Variants in CAMK4 observed in about 807,000 individuals in gnomAD.
The protein encoded by CAMK4 is calcium/calmodulin dependent protein kinase IV, also known as calcium/calmodulin-dependent protein kinase type IV.
Under a neutral mutation model 44.9 loss-of-function variants are expected in CAMK4, and 22 were observed. The ratio of observed to expected loss-of-function variants is 0.49; its 90% CI spans 0.35 to 0.70. The LOEUF (loss-of-function observed/expected upper bound fraction) is 0.70. CAMK4 is among the 30% of genes least tolerant of loss of function. The probability of loss-of-function intolerance (pLI) is 0.01; values close to 1 mark genes in which losing one functional copy is unlikely to be tolerated. For missense variants in CAMK4, 498 were observed against 586.8 expected (o/e 0.85, Z 1.56); for synonymous variants, 218 against 215.4 (o/e 1.01, Z -0.11).
At chr5:111,275,430 A>G (rs1750716716) in intron 1 of CAMK4, among the ~76,000 whole-genome samples, 1 of 152,090 alleles carries the variant, frequency 6.6e-6, no homozygotes, top group Admixed American at 6.5e-5. Flanking sequence ...TTGGTACTTT[A>G]TCATACATCT....
At chr5:111,285,087 G>C (rs946456308) in intron 1 of CAMK4, among the ~76,000 whole-genome samples, 7 of 152,152 alleles carry the variant, frequency 4.6e-5, no homozygotes, top group Non-Finnish European at 1.0e-4. Flanking sequence ...ATCACATACT[G>C]TTCTTTTGGC....
At chr5:111,296,936 C>T (rs757278949) in intron 1 of CAMK4, among the ~76,000 whole-genome samples, 6 of 151,984 alleles carry the variant, frequency 3.9e-5, no homozygotes, top group Non-Finnish European at 7.4e-5. Context: ...TTTTATGCAC[C>T]GAAATTGATG....
At chr5:111,451,295 A>T (rs990662696) in intron 7 of CAMK4, among the ~76,000 whole-genome samples, 1 of 151,980 alleles carries the variant, frequency 6.6e-6, no homozygotes, top group African/African-American at 2.4e-5. Context: ...TATTCATAGA[A>T]GTATTTATCA....
At chr5:111,419,203 G>A (rs1445125799) in intron 5 of CAMK4, among the ~76,000 whole-genome samples, 2 of 152,154 alleles carry the variant, frequency 1.3e-5, no homozygotes, top group Non-Finnish European at 2.9e-5. Flanking sequence ...GTGATGATGA[G>A]CATTTTTTCA....
intron 1 of CAMK4, among the ~76,000 whole-genome samples, chr5:111,242,160 T>C (rs1749024178): frequency 6.6e-6 from 1 of 152,216 alleles, no homozygotes; most frequent in African/African-American, 2.4e-5. Context: ...TACCCCCATT[T>C]GCTTTGCTCC....
intron 5 of CAMK4, among the ~76,000 whole-genome samples, chr5:111,419,536 G>A (rs1017270640): frequency 3.5e-4 from 53 of 152,106 alleles, no homozygotes; most frequent in Non-Finnish European, 6.2e-4. Flanking sequence ...TGTCCTGAAT[G>A]GTATTGCCTA....
intron 5 of CAMK4, chr5:111,416,436 T>C (rs774017074): frequency 2.0e-5 from 3 of 152,176 alleles, no homozygotes; most frequent in Non-Finnish European, 4.4e-5. Context: ...AAAGATGAAA[T>C]TATCCAGAGA....
chr5:111,386,005 A>G (rs1246775797), intron 4 of CAMK4, among the ~76,000 whole-genome samples: 1 of 152,186 alleles, frequency 6.6e-6, no homozygotes, highest in East Asian at 1.9e-4. Context: ...CTCCCTGGCC[A>G]GCACCCACAT....
At chr5:111,327,363 A>T (rs1748943975) in intron 1 of CAMK4, among the ~76,000 whole-genome samples, 1 of 150,012 alleles carries the variant, frequency 6.7e-6, no homozygotes, top group Admixed American at 6.7e-5. Context: ...GCTGCATAGT[A>T]TTCCATGGTG....
At chr5:111,277,030 C>T (rs1442395290) in intron 1 of CAMK4, among the ~76,000 whole-genome samples, 1 of 152,246 alleles carries the variant, frequency 6.6e-6, no homozygotes, top group African/African-American at 2.4e-5. Context: ...TGAAAATCTC[C>T]CCACTTGACT....
chr5:111,329,019 C>G (rs1376507816), intron 1 of CAMK4, among the ~76,000 whole-genome samples: 7 of 152,016 alleles, frequency 4.6e-5, no homozygotes, highest in Non-Finnish European at 7.4e-5. Flanking sequence ...CATCAAAAAG[C>G]TTACCCACCA....
At chr5:111,278,566 C>A (rs1750869330) in intron 1 of CAMK4, among the ~76,000 whole-genome samples, 1 of 152,164 alleles carries the variant, frequency 6.6e-6, no homozygotes, top group African/African-American at 2.4e-5. Flanking sequence ...AATATAAAAA[C>A]ATTTACGGAG....
At chr5:111,382,936 A>C (rs939634753) in intron 4 of CAMK4, among the ~76,000 whole-genome samples, 5 of 152,220 alleles carry the variant, frequency 3.3e-5, no homozygotes, top group African/African-American at 1.2e-4. Context: ...TGGATATTTT[A>C]AATACATCTC....
intron 2 of CAMK4, among the ~76,000 whole-genome samples, chr5:111,345,142 T>C (rs1197916400): frequency 6.6e-6 from 1 of 151,922 alleles, no homozygotes; most frequent in Non-Finnish European, 1.5e-5. Context: ...GAATCTCATA[T>C]AATGAAGAGC....
chr5:111,256,255 C>T (rs565257135), intron 1 of CAMK4, among the ~76,000 whole-genome samples: 22 of 152,066 alleles, frequency 1.4e-4, no homozygotes, highest in Non-Finnish European at 2.6e-4. Flanking sequence ...ACAAATTAGT[C>T]GTTGCCAGGG....
At chr5:111,258,699 A>T (rs1056867080) in intron 1 of CAMK4, among the ~76,000 whole-genome samples, 3 of 151,778 alleles carry the variant, frequency 2.0e-5, no homozygotes, top group African/African-American at 7.3e-5. Flanking sequence ...GGGTGGGGAC[A>T]CAGCCAAATC....
chr5:111,378,904 TC>T (rs34253676), intron 4 of CAMK4, among the ~76,000 whole-genome samples: 55,255 of 152,078 alleles, frequency 0.36, 11,024 homozygotes, highest in South Asian at 0.5. Context: ...GTTCACATGT[TC>T]CCATGTCCTC....
chr5:111,429,440 C>A (rs1017736710), intron 5 of CAMK4, among the ~76,000 whole-genome samples: 4 of 152,026 alleles, frequency 2.6e-5, no homozygotes, highest in Non-Finnish European at 5.9e-5. Flanking sequence ...AGAAAGAAAT[C>A]TAAAACCTGA....
intron 5 of CAMK4, among the ~76,000 whole-genome samples, chr5:111,414,223 A>G (rs1177508025): frequency 6.6e-6 from 1 of 152,190 alleles, no homozygotes; most frequent in Non-Finnish European, 1.5e-5. Flanking sequence ...CTCCCAAAGC[A>G]CAGAGTATTG....
Sources: gnomAD v4.1 joint callset for allele counts (sites outside exome capture counted in the v4.1 genomes callset) on GRCh38, gnomAD v4.1.1 for gene constraint, MANE v1.5 for transcripts, NCBI Gene and HGNC (gene_info 2026-07-23, HGNC 2026-07-21) for gene names.